ADAM15: variants seen among roughly 807,000 people sequenced by gnomAD.
ADAM15 encodes disintegrin and metalloproteinase domain-containing protein 15.
Under a neutral mutation model 113.8 loss-of-function variants are expected in ADAM15, and 77 were observed. The observed-to-expected ratio is 0.68, with a 90% CI of 0.56 to 0.82. The LOEUF (loss-of-function observed/expected upper bound fraction) is 0.82, where lower values mean the gene tolerates loss of function less well. Among genes scored for constraint, ADAM15 ranks in the 40% least tolerant of loss-of-function variants. The pLI, the probability that ADAM15 is intolerant of heterozygous loss-of-function variation, is 0.00. For missense variants in ADAM15, 963 were observed against 1,120.1 expected (o/e 0.86, Z 2.00); for synonymous variants, 388 against 454.1 (o/e 0.85, Z 1.85).
At position 155,058,517 on chromosome 1, in the gene ADAM15, C is replaced by A; in HGVS notation, c.1917+76C>A. On this transcript the variant is annotated intron_variant, in intron 15 of 22. Transcript: ENST00000356955. The surrounding 1 kb of genome is among the most constrained non-coding windows in gnomAD (Gnocchi z 4.3). ...ACAATGAACAGAGCCCAGACTTCAC[C>A]ATTCACCAATGTCAAAGGCAGGGAC... 1 of 1,574,068 alleles carries A rather than the reference C, an allele frequency of 6.4e-7. No individual in the cohort carries two copies. The highest frequency in any genetic ancestry group is 1.1e-5 in the South Asian group (1 of 87,916).
chr1:155,062,454 A>G lies in ADAM15; in HGVS notation c.2550-6A>G, dbSNP rs746896447. 161 of 1,613,142 alleles carry G rather than the reference A, an allele frequency of 1.0e-4. No individual in the cohort carries two copies. The highest frequency in any genetic ancestry group is 1.7e-4 in the Admixed American group (10 of 59,962). ...GACTCTTTTTTCTTGGCTTCCCGCA[A>G]TCCAGACCAGCGCCACCGCCTCCGA... On this transcript the variant is annotated splice_region_variant and splice_polypyrimidine_tract_variant and intron_variant, in intron 22 of 22. Coordinates refer to ENST00000356955, the MANE Select transcript of ADAM15 (RefSeq NM_207197.3). The surrounding 1 kb of genome is among the most constrained non-coding windows in gnomAD (Gnocchi z 7.0).
intron 20 of ADAM15, 126 bp downstream of exon 20, chr1:155,061,615 T>G: frequency 9.3e-7 from 1 of 1,071,106 alleles, no homozygotes; most frequent in Non-Finnish European, 1.3e-6. Flanking sequence ...CCCTCAGCCT[T>G]CAGACACTCT....
chr1:155,053,516 C>T (rs1281267864), intron 3 of ADAM15, 23 bp downstream of exon 3: 6 of 1,612,396 alleles, frequency 3.7e-6, no homozygotes, highest in Non-Finnish European at 5.1e-6. Context: ...GTGGCAATAA[C>T]AGTGACCACA....
At position 155,057,355 on chromosome 1, in the gene ADAM15, T is replaced by C; in HGVS notation, c.1316T>C (p.Phe439Ser). 3 of 1,614,100 alleles carry C rather than the reference T, an allele frequency of 1.9e-6. No homozygotes were observed. In the Admixed American group the frequency reaches 5.0e-5, roughly 27 times the overall value. The change falls in exon 12 of 23, where the codon TTC becomes TCC. Residue 439 changes from phenylalanine to serine, a missense_variant. By Grantham distance (155) the Phe-to-Ser change is radical. Coordinates refer to ENST00000356955, the MANE Select transcript of ADAM15 (RefSeq NM_207197.3). The surrounding 1 kb of genome is among the most constrained non-coding windows in gnomAD (Gnocchi z 5.0). ...CCGGGCGAGCAGTGTGACTGTGGCTTCCTGGATGTGAGCCCCTTTCCCAAA... is the reference window on the plus strand; with the variant it reads ...CCGGGCGAGCAGTGTGACTGTGGCTCCCTGGATGTGAGCCCCTTTCCCAAA... Reference protein sequence around the residue: ...VEPGEQCDCGFLDDCVDPCCD... With the variant: ...VEPGEQCDCGSLDDCVDPCCD...
chr1:155,054,423 C>T lies in ADAM15; in HGVS notation c.529C>T (p.His177Tyr), dbSNP rs768739924. ...SRIQDLHLPG[H>Y]TCALSWRESV... Reference sequence around the variant, plus strand: ...AATCCAAGATCTCCACCTGCCAGGCCACACCTGTGCCCTGAGCTGGCGGGA... The same window carrying T: ...AATCCAAGATCTCCACCTGCCAGGCTACACCTGTGCCCTGAGCTGGCGGGA... The change falls in exon 6 of 23, where the codon CAC (histidine) becomes TAC (tyrosine). Residue 177 changes from histidine (H) to tyrosine (Y), a missense_variant. Physicochemically the swap from His to Tyr is moderately conservative, Grantham distance 83 (BLOSUM62 2). Coordinates refer to ENST00000356955, the MANE Select transcript of ADAM15 (RefSeq NM_207197.3). 6.2e-7 allele frequency: 1 copy of T among 1,614,024 alleles called. No homozygotes were observed. The highest frequency in any genetic ancestry group is 8.5e-7 in the Non-Finnish European group (1 of 1,179,962).
Position 155,056,519 on chromosome 1 carries a change from A to T in ADAM15, c.999+49A>T, listed in dbSNP as rs748941339. 1 of 1,575,800 alleles carries T rather than the reference A, an allele frequency of 6.3e-7. No individual in the cohort carries two copies. The highest frequency in any genetic ancestry group is 1.7e-5 in the Admixed American group (1 of 59,558). ...CTCATTCCCAATTCAGTTCCTCCCAAGTGTGGTGGCATTTATGCACTGAAA... is the reference window on the plus strand; with the variant it reads ...CTCATTCCCAATTCAGTTCCTCCCATGTGTGGTGGCATTTATGCACTGAAA... On this transcript the variant is annotated intron_variant, in intron 10 of 22. Coordinates refer to ENST00000356955, the MANE Select transcript of ADAM15 (RefSeq NM_207197.3). The surrounding 1 kb of genome is among the most constrained non-coding windows in gnomAD (Gnocchi z 4.0).
rs571518801 is a variant in ADAM15, at chr1:155,060,018, G to A, written c.2068+44G>A. On this transcript the variant is annotated intron_variant, in intron 17 of 22. Transcript: ENST00000356955. ...ACAGGGGCAGCTGGGAGGGCAAAGC[G>A]TCTCATGCTTTATCTTGCCCCCTCG... The A allele has an allele frequency of 1.1e-4, 175 of 1,607,158 alleles. 2 individuals are homozygous for A. Among genetic ancestry groups the A allele is most frequent in the South Asian group, 9.2e-4 (84 of 90,902 alleles).
chr1:155,055,857 G>T lies in ADAM15; in HGVS notation c.675+5G>T. On this transcript the variant is annotated splice_donor_5th_base_variant and intron_variant, in intron 7 of 22. Transcript: ENST00000356955. ...ATTGTGGCTGATCACTCGGAGGTGA[G>T]CCTGCTGGCCCCTGCACATCCTCCT... 1 of 1,614,210 alleles carries T rather than the reference G, an allele frequency of 6.2e-7. No individual in the cohort carries two copies. Among genetic ancestry groups the T allele is most frequent in the Non-Finnish European group, 8.5e-7 (1 of 1,180,034 alleles).
intron 20 of ADAM15, 47 bp from the exon 21 acceptor site, chr1:155,061,857 C>T (rs1425403967): frequency 5.4e-6 from 8 of 1,481,674 alleles, no homozygotes; most frequent in African/African-American, 2.8e-5. Flanking sequence ...TGCATGTCCA[C>T]AGCCCCTGGT....
Position 155,058,379 on chromosome 1 carries a change from C to T in ADAM15, c.1855C>T (p.Leu619=). Residue 619 remains leucine, a synonymous_variant, in exon 15 of 23, where the codon CTG becomes TTG. Coordinates refer to ENST00000356955, the MANE Select transcript of ADAM15 (RefSeq NM_207197.3). This position sits in a 1 kb window ranked among gnomAD's most constrained non-coding sequence, Gnocchi z 4.3. ...ELNCSWVHLD[L]GSDVAQPLLT... ...GAACTGCAGCTGGGTGCACCTGGAC[C>T]TGGGCAGTGATGTGGCCCAGCCCCT... The T allele has an allele frequency of 6.2e-7, 1 of 1,613,886 alleles. No individual in the cohort carries two copies. Among genetic ancestry groups the T allele is most frequent in the Non-Finnish European group, 8.5e-7 (1 of 1,180,036 alleles).
chr1:155,054,320 G>A lies in ADAM15; in HGVS notation c.426G>A (p.Leu142=), dbSNP rs781725679. The A allele has an allele frequency of 2.5e-6, 4 of 1,587,550 alleles. No individual in the cohort carries two copies. The highest frequency in any genetic ancestry group is 3.4e-6 in the Non-Finnish European group (4 of 1,168,208). ...TGACTTTCTTTTTTCTTAGAGGCTT[G>A]GTGGTCCTGACCCCAGAGAGAAGCT... ...SICTCSGLRG[L]VVLTPERSYT... Residue 142 remains leucine, a synonymous_variant, in exon 6 of 23, where the codon TTG becomes TTA. Transcript: ENST00000356955.
chr1:155,059,103 T>C (rs1414226472), intron 16 of ADAM15, among the ~76,000 whole-genome samples: 3 of 152,192 alleles, frequency 2.0e-5, no homozygotes, highest in South Asian at 2.1e-4. Context: ...AGTCTCGCTC[T>C]GTTGCCTAGG....
In ADAM15 at chr1:155,061,991, G is replaced by T. The variant is rs12748855; in HGVS notation, c.2424+16G>T. 1 of 1,568,510 alleles carries T rather than the reference G, an allele frequency of 6.4e-7. No homozygotes were observed. The highest frequency in any genetic ancestry group is 8.7e-7 in the Non-Finnish European group (1 of 1,154,388). On this transcript the variant is annotated intron_variant, in intron 21 of 22. Coordinates refer to ENST00000356955, the MANE Select transcript of ADAM15 (RefSeq NM_207197.3). Reference sequence around the variant, plus strand: ...AAGCCCGAAGGTAACGGTGGGGGGAGAGAAGGGCACGGCCTCTCCCCCCAC... The same window carrying T: ...AAGCCCGAAGGTAACGGTGGGGGGATAGAAGGGCACGGCCTCTCCCCCCAC...
At chr1:155,052,286 C>A in intron 1 of ADAM15, 1 of 555,436 alleles carries the variant, frequency 1.8e-6, no homozygotes, top group East Asian at 3.0e-5. Context: ...GGAGGGTGAG[C>A]GGGCACCCGG....
chr1:155,061,542 C>T lies in ADAM15; in HGVS notation c.2352+53C>T, dbSNP rs761578948. The T allele has an allele frequency of 8.3e-6, 13 of 1,562,304 alleles. No homozygotes were observed. In the South Asian group the frequency reaches 1.1e-4, roughly 13 times the overall value. On this transcript the variant is annotated intron_variant, in intron 20 of 22. Coordinates refer to ENST00000356955, the MANE Select transcript of ADAM15 (RefSeq NM_207197.3). ...GCCAAGGCAGGTGGGAGGCTTGGTA[C>T]CCAACTGCAGTTCTCATCCCTGCTC...
intron 6 of ADAM15, among the ~76,000 whole-genome samples, chr1:155,055,218 AATT>A (rs71077976): frequency 1.3e-4 from 20 of 148,292 alleles, no homozygotes; most frequent in African/African-American, 4.2e-4. Flanking sequence ...GATTTTTAAA[AATT>A]ATTATTATTA....
Position 155,057,932 on chromosome 1 carries a change from T to C in ADAM15, c.1498T>C (p.Cys500Arg). 6.2e-7 allele frequency: 1 copy of C among 1,612,544 alleles called. No individual in the cohort carries two copies. Among genetic ancestry groups the C allele is most frequent in the African/African-American group, 1.3e-5 (1 of 75,062 alleles). Residue 500 changes from cysteine to arginine, a missense_variant, in exon 14 of 23, where the codon TGT (cysteine) becomes CGT (arginine). Transcript: ENST00000356955. The surrounding 1 kb of genome is among the most constrained non-coding windows in gnomAD (Gnocchi z 5.0). The part of the protein sequence containing the change: ...PEFCPGDSSQ[C>R]PPDVSLGDGE... ...ATTCTGCCCAGGAGACAGCTCCCAG[T>C]GTCCCCCTGATGTCAGCCTAGGGGA...
Position 155,056,916 on chromosome 1 carries a change from C to CT in ADAM15, c.1000-36dup. On this transcript the variant is annotated intron_variant, in intron 10 of 22. Transcript: ENST00000356955. The surrounding 1 kb of genome is among the most constrained non-coding windows in gnomAD (Gnocchi z 4.0). ...GTCTGGGCATTGTGGTGGAGGCAGG[C>CT]TGGGACTGGACCTACAGTACCCCTC... is the stretch of plus-strand genomic sequence containing the variant. The CT allele has an allele frequency of 6.6e-7, 1 of 1,526,136 alleles. No individual in the cohort carries two copies. The highest frequency in any genetic ancestry group is 2.3e-5 in the East Asian group (1 of 43,992). 94.5% of individuals were successfully genotyped at this position (1,526,136 alleles called of 1,614,324 possible).
rs528689994 is a variant in ADAM15, at chr1:155,052,271, G to C, written c.80-400G>C. The C allele has an allele frequency of 5.5e-6, 3 of 546,580 alleles. No individual in the cohort carries two copies. The African/African-American group carries it at 5.7e-5, about 10-fold the overall frequency. The allele number at this position is 546,580 out of a possible 1,614,324, so 33.9% of individuals were successfully genotyped here. A position where few individuals can be genotyped will look rare whatever the true frequency, so the allele number is the denominator to read the frequency against. Reference sequence around the variant, plus strand: ...CGTTCCTGGCATCTCCGATGTGAGCGAAGGGGAGGGTGAGCGGGCACCCGG... The same window carrying C: ...CGTTCCTGGCATCTCCGATGTGAGCCAAGGGGAGGGTGAGCGGGCACCCGG... On this transcript the variant is annotated intron_variant, in intron 1 of 22. Transcript: ENST00000356955.
Sources: allele counts gnomAD v4.1 joint callset (sites outside exome capture counted in the v4.1 genomes callset), GRCh38; gene constraint gnomAD v4.1.1; non-coding constraint Gnocchi (gnomAD v3.1); transcripts MANE v1.5; gene names NCBI Gene and HGNC (gene_info 2026-07-23, HGNC 2026-07-21).